ITGA2B: variants seen among roughly 807,000 people sequenced by gnomAD.
ITGA2B encodes the protein integrin alpha-IIb.
Under a neutral mutation model 142.0 loss-of-function variants are expected in ITGA2B, and 91 were observed. The ratio of observed to expected loss-of-function variants is 0.64; its 90% CI spans 0.54 to 0.76. The LOEUF (loss-of-function observed/expected upper bound fraction) is 0.76. Among genes scored for constraint, ITGA2B ranks in the 30% least tolerant of loss-of-function variants. The probability of loss-of-function intolerance (pLI) is 0.00; values close to 1 mark genes in which losing one functional copy is unlikely to be tolerated. For missense variants in ITGA2B, 1,231 were observed against 1,350.8 expected, an observed-to-expected ratio of 0.91 and a Z score of 1.39; for synonymous variants, 536 against 567.2, an observed-to-expected ratio of 0.94 and a Z score of 0.78.
At chr17:44,372,663 CT>C (rs2143419039) in intron 29 of ITGA2B, among the ~76,000 whole-genome samples, 1 of 152,288 alleles carries the variant, frequency 6.6e-6, no homozygotes, top group East Asian at 1.9e-4. Context: ...GAGTCTCACT[CT>C]GTCACCCAGG....
intron 17 of ITGA2B, 28 bp from the exon 18 acceptor site, chr17:44,379,842 C>T: frequency 3.1e-6 from 5 of 1,613,678 alleles, no homozygotes; most frequent in Non-Finnish European, 4.2e-6. Context: ...GTCAGGCCAT[C>T]TTGCTACCAT....
At chr17:44,386,203 CACTGCCCGGAAGGCCATGTGGCAT>C in intron 1 of ITGA2B, 72 bp from the exon 2 acceptor site, 6 of 1,537,422 alleles carry the variant, frequency 3.9e-6, no homozygotes, top group Non-Finnish European at 5.2e-6. Context: ...GCGCTGGGAG[CACTGCCCGGAAGGCCATGTGGCAT>C]GGGGGCACTG....
intron 1 of ITGA2B, among the ~76,000 whole-genome samples, chr17:44,386,853 A>G (rs1339077908): frequency 1.3e-5 from 2 of 152,228 alleles, no homozygotes; most frequent in Admixed American, 6.5e-5. Flanking sequence ...GTGCAGCAGC[A>G]TGATCACAGC....
chr17:44,383,109 C>T (rs369037011), intron 12 of ITGA2B, among the ~76,000 whole-genome samples: 4 of 152,284 alleles, frequency 2.6e-5, no homozygotes, highest in African/African-American at 4.8e-5. Context: ...CCGCCTCTCC[C>T]CAGCACCTGC....
intron 18 of ITGA2B, among the ~76,000 whole-genome samples, 167 bp from the exon 19 acceptor site, chr17:44,378,877 T>G (rs570135074): frequency 6.6e-6 from 1 of 152,234 alleles, no homozygotes; most frequent in East Asian, 1.9e-4. Context: ...TCGGGTTTAT[T>G]TGGAGGTTTG....
In ITGA2B at chr17:44,389,605, G is replaced by A; in HGVS notation, c.-132C>T. 1 of 1,018,228 alleles carries A rather than the reference G, an allele frequency of 9.8e-7. No homozygotes were observed. The highest frequency in any genetic ancestry group is 2.0e-5 in the Admixed American group (1 of 49,276). 63.1% of individuals were successfully genotyped at this position (1,018,228 alleles called of 1,614,324 possible). A position where few individuals can be genotyped will look rare whatever the true frequency, so the allele number is the denominator to read the frequency against. The stretch of plus-strand genomic sequence containing the variant: ...CTTGCTGAGCAACGGGCAGAGCAAA[G>A]GGCTATAGCCCCTGGACTCATGGTG... On this transcript the variant is annotated 5_prime_UTR_variant, in exon 1 of 30. Coordinates refer to ENST00000262407, the MANE Select transcript of ITGA2B (RefSeq NM_000419.5).
chr17:44,386,175 TC>T (rs2143492319), intron 1 of ITGA2B, 44 bp from the exon 2 acceptor site: 3 of 1,551,960 alleles, frequency 1.9e-6, no homozygotes, highest in Non-Finnish European at 2.6e-6. Flanking sequence ...TTCCAGCGTA[TC>T]CCAGGCCCTG....
chr17:44,380,558 G>A lies in ITGA2B; in HGVS notation c.1439+42C>T, dbSNP rs751030546. On this transcript the variant is annotated intron_variant, in intron 14 of 29. Coordinates refer to ENST00000262407, the MANE Select transcript of ITGA2B (RefSeq NM_000419.5). The stretch of plus-strand genomic sequence containing the variant: ...CTCCTGGCCTGGCCTCCTCTTGATG[G>A]CACAGGACCTTCCCCATCCCGCCCC... The A allele has an allele frequency of 5.0e-6, 8 of 1,613,878 alleles. No homozygotes were observed. The South Asian group carries it at 5.5e-5, about 11-fold the overall frequency.
In ITGA2B at chr17:44,385,638, A is replaced by G. The variant is rs141497408; in HGVS notation, c.487T>C (p.Leu163=). ...AEKTPVGSCF[L]AQPESGRRAE... ...CGGCGGCCGCTCTCTGGCTGAGCCA[A>G]AAAGCAGCTACCTACGGGCGTCTTC... Residue 163 remains leucine (L), a synonymous_variant, in exon 4 of 30, where the codon TTG becomes CTG. Transcript: ENST00000262407. The G allele has an allele frequency of 5.4e-4, 875 of 1,613,606 alleles. 1 individual carries two copies. Among genetic ancestry groups the G allele is most frequent in the Middle Eastern group, 1.3e-3 (8 of 6,046 alleles).
chr17:44,385,855 G>A lies in ITGA2B; in HGVS notation c.377C>T (p.Ala126Val). The change falls in exon 3 of 30, where the codon GCG (alanine) becomes GTG (valine). Residue 126 changes from alanine (A) to valine (V), a missense_variant. This residue lies in a region of ITGA2B where 318 missense variants were observed against 312.2 expected (regional missense o/e 1.02). Coordinates refer to ENST00000262407, the MANE Select transcript of ITGA2B (RefSeq NM_000419.5). ...GACGTCGCTCCAGCTGACGACCGAC[G>A]CCCCCAGTCCTTGGCGGGCCTTGAA... is the stretch of plus-strand genomic sequence containing the variant. ...QTFKARQGLG[A>V]SVVSWSDVIV... 2 of 1,605,440 alleles carry A rather than the reference G, an allele frequency of 1.2e-6. No individual in the cohort carries two copies. Among genetic ancestry groups the A allele is most frequent in the Non-Finnish European group, 1.7e-6 (2 of 1,175,476 alleles).
chr17:44,372,347 T>G lies in ITGA2B; in HGVS notation c.*17A>C. Reference sequence around the variant, plus strand: ...AGCACGCCCAACCCTCCTGCTAGAATAGTGTAGGCTGCACCATCACTCCCC... The same window carrying G: ...AGCACGCCCAACCCTCCTGCTAGAAGAGTGTAGGCTGCACCATCACTCCCC... On this transcript the variant is annotated 3_prime_UTR_variant, in exon 30 of 30. Transcript: ENST00000262407. 1.2e-6 allele frequency: 2 copies of G among 1,613,776 alleles called. No homozygotes were observed. The highest frequency in any genetic ancestry group is 1.7e-6 in the Non-Finnish European group (2 of 1,179,728).
chr17:44,373,746 C>A (rs1360827164), intron 29 of ITGA2B, among the ~76,000 whole-genome samples: 2 of 152,122 alleles, frequency 1.3e-5, no homozygotes, highest in Admixed American at 6.6e-5. Flanking sequence ...CCCTCTATAC[C>A]CTCTATATCC....
At chr17:44,374,636 C>A (rs770143695) in intron 28 of ITGA2B, 23 bp downstream of exon 28, 11 of 1,604,126 alleles carry the variant, frequency 6.9e-6, no homozygotes, top group Middle Eastern at 1.7e-4. Context: ...GGACTGGTCT[C>A]TGCTCCATCC....
intron 1 of ITGA2B, among the ~76,000 whole-genome samples, chr17:44,388,933 G>A (rs1390426180): frequency 1.3e-5 from 2 of 151,372 alleles, no homozygotes; most frequent in African/African-American, 4.9e-5. Flanking sequence ...CCAAAGTGCT[G>A]GGATTACAGG....
chr17:44,374,920 C>A lies in ITGA2B; in HGVS notation c.2841+78G>T, dbSNP rs902081963. ...CCTTCCCTCTCTTCCTGCCCTCCCACACCAAACCCCGCCCCTCCCAGAGCA... is the reference window on the plus strand; with the variant it reads ...CCTTCCCTCTCTTCCTGCCCTCCCAAACCAAACCCCGCCCCTCCCAGAGCA... On this transcript the variant is annotated intron_variant, in intron 27 of 29. Transcript: ENST00000262407. The A allele has an allele frequency of 2.6e-5, 35 of 1,363,104 alleles. 1 individual carries two copies. The Admixed American group carries it at 6.1e-4, about 24-fold the overall frequency. The allele number at this position is 1,363,104 out of a possible 1,614,324, so 84.4% of individuals were successfully genotyped here.
chr17:44,381,112 G>T (rs755750276), intron 12 of ITGA2B, 51 bp from the exon 13 acceptor site: 18 of 1,571,712 alleles, frequency 1.1e-5, no homozygotes, highest in Non-Finnish European at 1.5e-5. Flanking sequence ...AGCCTCCCTA[G>T]ATGACTGTAA....
At chr17:44,377,889 G>A (rs1398017996) in intron 20 of ITGA2B, 99 bp from the exon 21 acceptor site, 3 of 738,218 alleles carry the variant, frequency 4.1e-6, no homozygotes, top group South Asian at 2.9e-5. Flanking sequence ...CCAAGGTAGG[G>A]AGGGGGGGGT....
rs201361732 is a variant in ITGA2B at position 44,379,821 on chromosome 17, C to G, written c.1753-7G>C. On this transcript the variant is annotated splice_region_variant and splice_polypyrimidine_tract_variant and intron_variant, in intron 17 of 29. Transcript: ENST00000262407. ...CCCGGAAGTCTGCCTCATCCTAGGACAGGGGCAAGAGTCAGGCCATCTTGC... is the reference window on the plus strand; with the variant it reads ...CCCGGAAGTCTGCCTCATCCTAGGAGAGGGGCAAGAGTCAGGCCATCTTGC... 4 of 1,613,828 alleles carry G rather than the reference C, an allele frequency of 2.5e-6. No homozygotes were observed. The East Asian group carries it at 8.9e-5, about 36-fold the overall frequency.
intron 8 of ITGA2B, 59 bp from the exon 9 acceptor site, chr17:44,384,413 G>A: frequency 6.2e-7 from 1 of 1,607,484 alleles, no homozygotes; most frequent in Non-Finnish European, 8.5e-7. Context: ...CCCACTTCCC[G>A]CTCCCCGTTC....
Sources: allele counts gnomAD v4.1 joint callset (sites outside exome capture counted in the v4.1 genomes callset), GRCh38; gene constraint gnomAD v4.1.1; regional missense constraint gnomAD v4.1.1; transcripts MANE v1.5; gene names NCBI Gene and HGNC (gene_info 2026-07-23, HGNC 2026-07-21).